Variants in COL27A1 observed in about 807,000 individuals in gnomAD.
COL27A1 encodes the protein collagen alpha-1(XXVII) chain.
A neutral mutation model predicts 251.3 loss-of-function variants in COL27A1; 106 were observed. That is an observed-to-expected ratio of 0.42 (90% CI 0.36 to 0.50). COL27A1 has a LOEUF of 0.50. COL27A1 is among the 20% of genes least tolerant of loss of function. The pLI is 0.00. For missense variants in COL27A1, 2,325 were observed against 2,522.8 expected (o/e 0.92, Z 1.68); for synonymous variants, 1,000 against 986.3 (o/e 1.01, Z -0.26).
intron 40 of COL27A1, among the ~76,000 whole-genome samples, chr9:114,284,196 G>C (rs571830052): frequency 1.3e-5 from 2 of 152,356 alleles, no homozygotes; most frequent in East Asian, 1.9e-4. Context: ...GGAGGATAAA[G>C]AGCATGCACG....
chr9:114,193,985 G>A (rs769021392), intron 5 of COL27A1, among the ~76,000 whole-genome samples: 3 of 152,124 alleles, frequency 2.0e-5, no homozygotes, highest in Non-Finnish European at 2.9e-5. Flanking sequence ...GATGATTGGA[G>A]AAGGGGTTTC....
chr9:114,278,245 A>C (rs1835625534), intron 37 of COL27A1, among the ~76,000 whole-genome samples: 1 of 143,060 alleles, frequency 7.0e-6, no homozygotes, highest in Admixed American at 7.1e-5. Context: ...AGTACTGATG[A>C]TGGTGTTGGT....
At chr9:114,288,006 G>A (rs932533115) in intron 41 of COL27A1, among the ~76,000 whole-genome samples, 48 of 152,188 alleles carry the variant, frequency 3.2e-4, no homozygotes, top group Admixed American at 2.6e-4. Flanking sequence ...ACTCCCTGCC[G>A]GGCGTCGCGC....
At chr9:114,240,301 T>C (rs748751227) in intron 20 of COL27A1, 28 bp downstream of exon 20, 96 of 1,585,326 alleles carry the variant, frequency 6.1e-5, no homozygotes, top group African/African-American at 9.4e-5. Context: ...GCAGCTCCAG[T>C]TGGAGGAGCA....
At chr9:114,240,152 C>T in intron 19 of COL27A1, 68 bp from the exon 20 acceptor site, 1 of 1,396,116 alleles carries the variant, frequency 7.2e-7, no homozygotes. Context: ...AGTCTCCCTG[C>T]AAGACGCATC....
At chr9:114,281,474 G>A (rs1835898258) in intron 37 of COL27A1, among the ~76,000 whole-genome samples, 1 of 152,270 alleles carries the variant, frequency 6.6e-6, no homozygotes, top group African/African-American at 2.4e-5. Flanking sequence ...CAGGGGCAGA[G>A]TGGCCTGTCA....
At chr9:114,279,477 C>T (rs923039320) in intron 37 of COL27A1, among the ~76,000 whole-genome samples, 1 of 152,092 alleles carries the variant, frequency 6.6e-6, no homozygotes, top group Non-Finnish European at 1.5e-5. Flanking sequence ...AAATACAAGC[C>T]ATATACAAGC....
chr9:114,196,967 T>C (rs1829181124), intron 7 of COL27A1, among the ~76,000 whole-genome samples: 1 of 152,136 alleles, frequency 6.6e-6, no homozygotes, highest in Admixed American at 6.5e-5. Flanking sequence ...GCTTAGTTAT[T>C]TTGAGCCACC....
At position 114,290,809 on chromosome 9, in the gene COL27A1, G is replaced by A. The variant is rs1261794715; in HGVS notation, c.4369-1G>A. The A allele has an allele frequency of 6.5e-7, 1 of 1,544,210 alleles. No homozygotes were observed. The highest frequency in any genetic ancestry group is 1.4e-5 in the African/African-American group (1 of 72,796). The stretch of plus-strand genomic sequence containing the variant: ...CCCTCCTCTGCCTGCTTTCTTAACA[G>A]GGGGAGCAGGGAGACGATGGGGACC... On this transcript the variant is annotated splice_acceptor_variant, in intron 47 of 60. Coordinates refer to ENST00000356083, the MANE Select transcript of COL27A1 (RefSeq NM_032888.4). LOFTEE classifies it high-confidence loss of function. The surrounding 1 kb of genome is among the most constrained non-coding windows in gnomAD (Gnocchi z 4.6).
rs146311121 is a variant in COL27A1, at chr9:114,159,264, C to T, written c.62+3252C>T. ...TCTTCTTCCTGATTTTCAGAGATTA[C>T]AAGGATTTGCCCTCTAATTCTCTGC... On this transcript the variant is annotated intron_variant, in intron 1 of 60. Transcript: ENST00000356083. Among the ~76,000 whole-genome samples the T allele has an allele frequency of 3.3e-3, 509 of 152,320 alleles. 3 individuals carry two copies. Among genetic ancestry groups the T allele is most frequent in the African/African-American group, 0.011 (453 of 41,578 alleles).
At chr9:114,235,542 A>T (rs926714152) in intron 16 of COL27A1, 57 bp from the exon 17 acceptor site, 1 of 1,333,994 alleles carries the variant, frequency 7.5e-7, no homozygotes, top group Non-Finnish European at 1.1e-6. Flanking sequence ...TCTGTGGGGG[A>T]GGCTTCCAGA....
At chr9:114,216,389 C>A (rs796483434) in intron 12 of COL27A1, among the ~76,000 whole-genome samples, 16 of 152,352 alleles carry the variant, frequency 1.1e-4, no homozygotes, top group African/African-American at 3.4e-4. Flanking sequence ...TCGCCTTACA[C>A]ATGCAGGCAT....
At position 114,168,547 on chromosome 9, in the gene COL27A1, A is replaced by G; in HGVS notation, c.992A>G (p.Asn331Ser). The G allele has an allele frequency of 1.2e-6, 2 of 1,614,018 alleles. No homozygotes were observed. Among genetic ancestry groups the G allele is most frequent in the Non-Finnish European group, 1.7e-6 (2 of 1,179,924 alleles). ...CTACCTGCCAAGCTGTCAGCCAGTA[A>G]CGCACTTGATCCCATGCTCCCAGCC... The part of the protein sequence containing the change: ...PLLPAKLSAS[N>S]ALDPMLPASV... Residue 331 changes from asparagine to serine, a missense_variant, in exon 3 of 61, where the codon AAC (asparagine) becomes AGC (serine). Around this residue, in one of 4 missense-constraint regions of COL27A1, gnomAD observed 1,183 missense variants for 1,144.1 expected, o/e 1.03. Coordinates refer to ENST00000356083, the MANE Select transcript of COL27A1 (RefSeq NM_032888.4).
chr9:114,240,946 C>T (rs919483523), intron 21 of COL27A1, among the ~76,000 whole-genome samples: 1 of 152,226 alleles, frequency 6.6e-6, no homozygotes, highest in Non-Finnish European at 1.5e-5. Flanking sequence ...GAGCCCAAAG[C>T]CCATGACATA....
intron 15 of COL27A1, 100 bp from the exon 16 acceptor site, chr9:114,231,722 A>T (rs1831967833): frequency 3.4e-6 from 4 of 1,181,770 alleles, no homozygotes; most frequent in South Asian, 2.5e-5. Flanking sequence ...AGGTTGGGGG[A>T]TCTAGCACGG....
rs746674997 is a variant in COL27A1, at chr9:114,265,040, G to A, written c.3295-26G>A. On this transcript the variant is annotated intron_variant, in intron 30 of 60. Transcript: ENST00000356083. ...GCTCCGTGCTTTGTGATCTGAGCCT[G>A]TAATGACCCCCACATGTGCTTCCAG... is the stretch of plus-strand genomic sequence containing the variant. 5.0e-6 allele frequency: 8 copies of A among 1,613,704 alleles called. No individual in the cohort carries two copies. The South Asian group carries it at 8.8e-5, about 18-fold the overall frequency.
intron 54 of COL27A1, 28 bp from the exon 55 acceptor site, chr9:114,301,648 ACCAGGG>A (rs1828645564): frequency 1.3e-6 from 2 of 1,588,664 alleles, no homozygotes; most frequent in Non-Finnish European, 1.7e-6. Context: ...GACCCTGTGG[ACCAGGG>A]CTCACTCTTC....
chr9:114,303,450 G>C (rs1289284059), intron 56 of COL27A1, among the ~76,000 whole-genome samples: 1 of 152,026 alleles, frequency 6.6e-6, no homozygotes, highest in Non-Finnish European at 1.5e-5. Context: ...TGTTGGCCAG[G>C]CTGGTTTTGA....
At chr9:114,171,784 G>A (rs1235274263) in intron 3 of COL27A1, among the ~76,000 whole-genome samples, 3 of 152,108 alleles carry the variant, frequency 2.0e-5, no homozygotes, top group African/African-American at 7.2e-5. Flanking sequence ...CTTCCGATTC[G>A]ATAACCCATC....
Sources: gnomAD v4.1 joint callset for allele counts (sites outside exome capture counted in the v4.1 genomes callset) on GRCh38, gnomAD v4.1.1 for gene constraint, gnomAD v4.1.1 regional missense constraint, Gnocchi (gnomAD v3.1) non-coding constraint, MANE v1.5 for transcripts, NCBI Gene and HGNC (gene_info 2026-07-23, HGNC 2026-07-21) for gene names.